Variants in NTNG1 observed in about 807,000 individuals in gnomAD.
NTNG1 encodes the protein netrin G1, also known as netrin-G1.
Under a neutral mutation model 54.0 loss-of-function variants are expected in NTNG1, and 16 were observed. The observed-to-expected ratio is 0.30, with a 90% CI of 0.20 to 0.45. The LOEUF (loss-of-function observed/expected upper bound fraction) is 0.45, where lower values mean the gene tolerates loss of function less well. Among genes scored for constraint, NTNG1 ranks in the 20% least tolerant of loss-of-function variants. NTNG1 has a pLI of 1.00. For synonymous variants in NTNG1, 255 were observed against 263.1 expected (o/e 0.97, Z 0.30); for missense variants, 530 against 678.7 (o/e 0.78, Z 2.43).
At chr1:107,220,290 C>T (rs760977243) in intron 2 of NTNG1, among the ~76,000 whole-genome samples, 1 of 152,178 alleles carries the variant, frequency 6.6e-6, no homozygotes, top group Non-Finnish European at 1.5e-5. Flanking sequence ...CTTGGCTCTC[C>T]CATGGAGCCT....
intron 2 of NTNG1, among the ~76,000 whole-genome samples, chr1:107,172,589 C>T (rs1272529322): frequency 1.3e-5 from 2 of 152,062 alleles, no homozygotes; most frequent in African/African-American, 4.8e-5. Context: ...TTAAAATTGT[C>T]TTTATACTGT....
chr1:107,420,609 T>C (rs563104691), intron 5 of NTNG1, among the ~76,000 whole-genome samples: 10 of 152,146 alleles, frequency 6.6e-5, no homozygotes, highest in Admixed American at 5.2e-4. Flanking sequence ...CAAATGCTGC[T>C]GAATGGCTGA....
chr1:107,479,300 A>G (rs976009894), intron 7 of NTNG1, among the ~76,000 whole-genome samples: 6 of 152,176 alleles, frequency 3.9e-5, no homozygotes, highest in Non-Finnish European at 8.8e-5. Context: ...CTTCTTTTGA[A>G]GCTGACATGA....
intron 7 of NTNG1, among the ~76,000 whole-genome samples, chr1:107,469,568 C>T (rs539276331): frequency 3.3e-5 from 5 of 152,212 alleles, no homozygotes; most frequent in East Asian, 3.9e-4. Flanking sequence ...ATGCAACCTC[C>T]GTCTCCCAGG....
intron 3 of NTNG1, among the ~76,000 whole-genome samples, chr1:107,328,627 G>A (rs1435977228): frequency 2.6e-5 from 4 of 151,998 alleles, no homozygotes; most frequent in African/African-American, 7.2e-5. Context: ...TTACACCATT[G>A]GAAGCTTTGA....
At chr1:107,403,099 T>TG (rs1328173584) in intron 4 of NTNG1, among the ~76,000 whole-genome samples, 3 of 152,174 alleles carry the variant, frequency 2.0e-5, no homozygotes, top group Non-Finnish European at 4.4e-5. Context: ...TTTACTTGGT[T>TG]GGGGGAGTAG....
chr1:107,313,114 T>TG (rs1667121894), intron 2 of NTNG1, among the ~76,000 whole-genome samples: 1 of 152,166 alleles, frequency 6.6e-6, no homozygotes, highest in African/African-American at 2.4e-5. Flanking sequence ...TGATCTACTT[T>TG]GGGGGGCATT....
intron 2 of NTNG1, among the ~76,000 whole-genome samples, chr1:107,176,623 A>G (rs1408244595): frequency 6.6e-6 from 1 of 152,204 alleles, no homozygotes; most frequent in Non-Finnish European, 1.5e-5. Context: ...GTTCAGGTTG[A>G]CTGCAATGCT....
intron 5 of NTNG1, among the ~76,000 whole-genome samples, chr1:107,424,553 T>C (rs899077513): frequency 2.0e-5 from 3 of 152,086 alleles, no homozygotes; most frequent in Non-Finnish European, 2.9e-5. Flanking sequence ...TTGGGGATGA[T>C]GGCAGTAATC....
At chr1:107,476,086 C>CTT (rs1172423128) in intron 7 of NTNG1, among the ~76,000 whole-genome samples, 1 of 152,206 alleles carries the variant, frequency 6.6e-6, no homozygotes, top group Non-Finnish European at 1.5e-5. Flanking sequence ...ATTTGTCCAA[C>CTT]TCAAAGTGCC....
intron 3 of NTNG1, among the ~76,000 whole-genome samples, chr1:107,383,374 G>A (rs969416629): frequency 6.6e-5 from 10 of 151,938 alleles, no homozygotes; most frequent in Admixed American, 2.6e-4. Flanking sequence ...AAATTATATT[G>A]TTTAATCCAA....
intron 2 of NTNG1, among the ~76,000 whole-genome samples, chr1:107,281,783 A>G (rs904024171): frequency 1.3e-5 from 2 of 152,170 alleles, no homozygotes; most frequent in Non-Finnish European, 2.9e-5. Context: ...ATAAACTTTT[A>G]CCAGAATGTA....
chr1:107,376,358 A>T (rs1420115063), intron 3 of NTNG1, among the ~76,000 whole-genome samples: 1 of 151,564 alleles, frequency 6.6e-6, no homozygotes, highest in Non-Finnish European at 1.5e-5. Context: ...CAGTGAGCCG[A>T]GGTCGCGCCA....
intron 2 of NTNG1, among the ~76,000 whole-genome samples, chr1:107,263,620 C>A (rs1165999540): frequency 6.6e-6 from 1 of 152,146 alleles, no homozygotes; most frequent in Non-Finnish European, 1.5e-5. Flanking sequence ...CTTAACAAGG[C>A]AAGTTAAAAT....
At position 107,484,789 on chromosome 1, in the gene NTNG1, T is replaced by C. The variant is rs1188093901; in HGVS notation, c.*3949T>C. ...CTCTACCATCAATAATCCAGTATGA[T>C]TGGGATGTAAAGACCCAGCATTCTG... is the stretch of plus-strand genomic sequence containing the variant. On this transcript the variant is annotated 3_prime_UTR_variant, in exon 8 of 8. Transcript: ENST00000370068. Among the ~76,000 whole-genome samples the C allele has an allele frequency of 4.6e-5, 7 of 152,190 alleles. No individual in the cohort carries two copies. Among genetic ancestry groups the C allele is most frequent in the Non-Finnish European group, 7.4e-5 (5 of 68,022 alleles).
intron 2 of NTNG1, among the ~76,000 whole-genome samples, chr1:107,252,606 C>T (rs1486314168): frequency 6.6e-6 from 1 of 152,162 alleles, no homozygotes; most frequent in Non-Finnish European, 1.5e-5. Flanking sequence ...TCCCCCTATT[C>T]TTCTTGCACA....
intron 5 of NTNG1, among the ~76,000 whole-genome samples, chr1:107,426,998 A>T (rs1025276462): frequency 2.0e-5 from 3 of 152,164 alleles, no homozygotes; most frequent in South Asian, 4.1e-4. Flanking sequence ...TTATTGGTGT[A>T]TAGAAATGCT....
intron 5 of NTNG1, among the ~76,000 whole-genome samples, chr1:107,428,704 G>A (rs1306225365): frequency 6.6e-6 from 1 of 151,960 alleles, no homozygotes; most frequent in Non-Finnish European, 1.5e-5. Context: ...CTCTCAAAAG[G>A]CTCTAGTCCT....
chr1:107,208,943 G>A (rs571849365), intron 2 of NTNG1, among the ~76,000 whole-genome samples: 86 of 152,136 alleles, frequency 5.7e-4, no homozygotes, highest in Non-Finnish European at 9.7e-4. Flanking sequence ...TACTTGTCTC[G>A]TTGGTAAATA....
Sources: allele counts gnomAD v4.1 joint callset (sites outside exome capture counted in the v4.1 genomes callset), GRCh38; gene constraint gnomAD v4.1.1; transcripts MANE v1.5; gene names NCBI Gene and HGNC (gene_info 2026-07-23, HGNC 2026-07-21).